The following SYT16 variants were observed in gnomAD, a reference collection of about 807,000 sequenced individuals.
SYT16 encodes the protein synaptotagmin-16.
A neutral mutation model predicts 61.4 loss-of-function variants in SYT16; 42 were observed. The ratio of observed to expected loss-of-function variants is 0.68; its 90% CI spans 0.53 to 0.89. The LOEUF is 0.89. Ranked by LOEUF, SYT16 falls within the 40% of genes least tolerant of loss-of-function variation. The pLI is 0.00. For synonymous variants in SYT16, 314 were observed against 302.3 expected (o/e 1.04, Z -0.40); for missense variants, 804 against 807.3 (o/e 1.00, Z 0.05).
intron 1 of SYT16, among the ~76,000 whole-genome samples, chr14:61,927,542 T>C (rs2049586558): frequency 1.3e-5 from 2 of 152,112 alleles, no homozygotes; most frequent in Non-Finnish European, 2.9e-5. Flanking sequence ...AGGATGATAA[T>C]TTTTTTTCCA....
At chr14:61,892,272 C>T (rs546440165) in intron 1 of SYT16, among the ~76,000 whole-genome samples, 1 of 152,072 alleles carries the variant, frequency 6.6e-6, no homozygotes, top group African/African-American at 2.4e-5. Flanking sequence ...TTGCTAATCT[C>T]TCTTTCCATC....
intron 1 of SYT16, among the ~76,000 whole-genome samples, chr14:61,817,419 CAAA>C (rs58438991): frequency 8.5e-5 from 7 of 82,534 alleles, no homozygotes; most frequent in African/African-American, 4.2e-5. Context: ...ACTCCATCTC[CAAA>C]AAAAAAAAAA....
intron 1 of SYT16, among the ~76,000 whole-genome samples, chr14:61,901,804 C>G (rs2048531030): frequency 6.6e-6 from 1 of 151,024 alleles, no homozygotes; most frequent in Non-Finnish European, 1.5e-5. Context: ...CTCTGTCGCC[C>G]AGGCTGGAGT....
At chr14:62,025,016 TTATG>T (rs2054047512) in intron 3 of SYT16, among the ~76,000 whole-genome samples, 1 of 152,174 alleles carries the variant, frequency 6.6e-6, no homozygotes, top group Non-Finnish European at 1.5e-5. Flanking sequence ...ATGTAACAGT[TTATG>T]TATCCATTCA....
intron 3 of SYT16, among the ~76,000 whole-genome samples, chr14:62,066,059 A>G (rs1428458888): frequency 3.3e-5 from 5 of 152,372 alleles, no homozygotes; most frequent in African/African-American, 1.2e-4. Context: ...AGATCAGTGA[A>G]AAACAAATCA....
At chr14:61,815,526 A>G (rs2045400530) in intron 1 of SYT16, among the ~76,000 whole-genome samples, 1 of 152,254 alleles carries the variant, frequency 6.6e-6, no homozygotes, top group Non-Finnish European at 1.5e-5. Context: ...TGTAGCATGT[A>G]AATTATATAA....
intron 1 of SYT16, among the ~76,000 whole-genome samples, chr14:61,818,456 G>T (rs1371535230): frequency 6.6e-6 from 1 of 152,082 alleles, no homozygotes; most frequent in Non-Finnish European, 1.5e-5. Context: ...GAGGCGGGTG[G>T]ATCATGAGGT....
rs1294771989 is a variant in SYT16 at position 61,995,924 on chromosome 14, A to G, written c.-96A>G. 1.5e-6 allele frequency: 2 copies of G among 1,300,058 alleles called. No individual in the cohort carries two copies. Among genetic ancestry groups the G allele is most frequent in the Non-Finnish European group, 2.1e-6 (2 of 958,866 alleles). 80.5% of individuals were successfully genotyped at this position (1,300,058 alleles called of 1,614,324 possible). A position where few individuals can be genotyped will look rare whatever the true frequency, so the allele number is the denominator to read the frequency against. ...TTCACAGCCATTAAGAGACCTCCAA[A>G]TTAATTTCTCAACATGCTTATTCTA... On this transcript the variant is annotated 5_prime_UTR_variant, in exon 3 of 8. Coordinates refer to ENST00000683842, the MANE Select transcript of SYT16 (RefSeq NM_001367656.1).
intron 1 of SYT16, among the ~76,000 whole-genome samples, chr14:61,941,870 C>T (rs1438237434): frequency 6.6e-6 from 1 of 152,148 alleles, no homozygotes; most frequent in Non-Finnish European, 1.5e-5. Context: ...AGTCAATAAG[C>T]TTTTTGGAAA....
At chr14:61,918,459 C>A (rs217637) in intron 1 of SYT16, among the ~76,000 whole-genome samples, 138,332 of 152,152 alleles carry the variant, frequency 0.91, 63,014 homozygotes, top group East Asian at 0.98. Flanking sequence ...GATAAAGGAA[C>A]AATAAAGCCA....
chr14:62,048,858 C>T (rs933963166), intron 3 of SYT16, among the ~76,000 whole-genome samples: 1 of 152,154 alleles, frequency 6.6e-6, no homozygotes, highest in Non-Finnish European at 1.5e-5. Flanking sequence ...TTTATAATTT[C>T]TGTTCTTTAC....
At position 61,872,076 on chromosome 14, in the gene SYT16, A is replaced by G. The variant is rs115312838; in HGVS notation, c.-325+59266A>G. Among the ~76,000 whole-genome samples the G allele has an allele frequency of 2.4e-3, 373 of 152,322 alleles. 5 individuals are homozygous for G. Among genetic ancestry groups the G allele is most frequent in the African/African-American group, 8.7e-3 (360 of 41,576 alleles). On this transcript the variant is annotated intron_variant, in intron 1 of 7. Coordinates refer to ENST00000683842, the MANE Select transcript of SYT16 (RefSeq NM_001367656.1). ...AGTATTCAATAAATAGTAGTTATCA[A>G]TAGTTTCAATTACACTATGTATGCA...
intron 2 of SYT16, among the ~76,000 whole-genome samples, chr14:61,980,805 A>C (rs987066847): frequency 6.6e-6 from 1 of 152,216 alleles, no homozygotes; most frequent in African/African-American, 2.4e-5. Flanking sequence ...AAAAAAGACT[A>C]ATTGACATGA....
intron 7 of SYT16, among the ~76,000 whole-genome samples, chr14:62,088,904 AAAAAT>A (rs1221204501): frequency 2.6e-5 from 4 of 152,088 alleles, no homozygotes; most frequent in Admixed American, 6.5e-5. Context: ...TCAAGTTGGT[AAAAAT>A]AAAATGAGTC....
At chr14:61,948,944 CT>C (rs370359348) in intron 1 of SYT16, among the ~76,000 whole-genome samples, 310 of 152,224 alleles carry the variant, frequency 2.0e-3, no homozygotes, top group African/African-American at 7.2e-3. Context: ...TTTGGGTCTT[CT>C]GATTTTAAAA....
At chr14:61,812,438 G>T (rs2045297711), upstream of SYT16, 1 of 152,172 alleles carries the variant, frequency 6.6e-6, no homozygotes, top group South Asian at 2.1e-4. Flanking sequence ...TAGCGTGGCC[G>T]GGAGCGTGTT....
chr14:62,082,013 G>C (rs2056726590), intron 6 of SYT16, among the ~76,000 whole-genome samples: 1 of 152,230 alleles, frequency 6.6e-6, no homozygotes, highest in African/African-American at 2.4e-5. Context: ...TTGCAGTCTA[G>C]TGGTGGCCAA....
chr14:62,079,259 C>T (rs759408369), intron 5 of SYT16: 55 of 648,752 alleles, frequency 8.5e-5, no homozygotes, highest in Non-Finnish European at 1.0e-4. Context: ...TGAATAGAAA[C>T]ACTCACGCAT....
intron 3 of SYT16, among the ~76,000 whole-genome samples, chr14:62,011,943 T>TATATATATATATATATATATATA (rs1566762736): frequency 1.2e-5 from 1 of 84,570 alleles, no homozygotes; most frequent in Non-Finnish European, 2.3e-5. Flanking sequence ...ATATATATAT[T>TATATATATATATATATATATATA]TGATGCTGTG....
Sources: gnomAD v4.1 joint callset for allele counts (sites outside exome capture counted in the v4.1 genomes callset) on GRCh38, gnomAD v4.1.1 for gene constraint, MANE v1.5 for transcripts, NCBI Gene and HGNC (gene_info 2026-07-23, HGNC 2026-07-21) for gene names.